Variants in DEUP1 observed in about 807,000 individuals in gnomAD.
The protein encoded by DEUP1 is deuterosome assembly protein 1, also known as coiled-coil domain containing 67.
Under a neutral mutation model 87.4 loss-of-function variants are expected in DEUP1, and 82 were observed. The observed-to-expected ratio is 0.94, with a 90% CI of 0.78 to 1.13. DEUP1 has a LOEUF of 1.13. Ranked by LOEUF, DEUP1 falls within the 50% of genes most tolerant of loss-of-function variation. DEUP1 has a pLI of 0.00. For synonymous variants in DEUP1, 214 were observed against 222.7 expected (o/e 0.96, Z 0.35); for missense variants, 663 against 681.5 (o/e 0.97, Z 0.30).
Position 93,355,640 on chromosome 11 carries a change from C to A in DEUP1, c.201+98C>A, listed in dbSNP as rs183940572. ...TTTATTATACATACTTTTTATCAGG[C>A]ATCAGCAACAGCATTTATTGCTTGA... On this transcript the variant is annotated intron_variant, in intron 3 of 13. Coordinates refer to ENST00000298050, the MANE Select transcript of DEUP1 (RefSeq NM_181645.4). 13 of 1,035,280 alleles carry A rather than the reference C, an allele frequency of 1.3e-5. No individual in the cohort carries two copies. In the East Asian group the frequency reaches 3.3e-4, roughly 26 times the overall value. The allele number at this position is 1,035,280 out of a possible 1,614,324, so 64.1% of individuals were successfully genotyped here.
At position 93,367,293 on chromosome 11, in the gene DEUP1, T is replaced by C. The variant is rs184429747; in HGVS notation, c.433-2780T>C. Among the ~76,000 whole-genome samples the C allele has an allele frequency of 6.6e-5, 10 of 152,320 alleles. No individual in the cohort carries two copies. The East Asian group carries it at 1.7e-3, about 26-fold the overall frequency. ...AAACTAAAATTTCCTTAAATGTTCTTTAAAATTATTTCTGTATAGAAAATA... is the reference window on the plus strand; with the variant it reads ...AAACTAAAATTTCCTTAAATGTTCTCTAAAATTATTTCTGTATAGAAAATA... On this transcript the variant is annotated intron_variant, in intron 5 of 13. Transcript: ENST00000298050.
At chr11:93,402,076 A>T (rs1386578256) in intron 11 of DEUP1, among the ~76,000 whole-genome samples, 1 of 152,074 alleles carries the variant, frequency 6.6e-6, no homozygotes, top group Non-Finnish European at 1.5e-5. Flanking sequence ...GATGACCCAC[A>T]GAATGCAAGA....
chr11:93,436,237 T>G (rs1948245763), intron 13 of DEUP1, among the ~76,000 whole-genome samples: 1 of 152,222 alleles, frequency 6.6e-6, no homozygotes, highest in Non-Finnish European at 1.5e-5. Context: ...TACTTGCCAC[T>G]TCTTGCTCAT....
rs1591225630 is a variant in DEUP1 at position 93,399,245 on chromosome 11, T to C, written c.1326+2920T>C. On this transcript the variant is annotated intron_variant, in intron 11 of 13. Coordinates refer to ENST00000298050, the MANE Select transcript of DEUP1 (RefSeq NM_181645.4). ...TTTTCAAAGATTATTATATCTTTCA[T>C]CCAAGTCTTTAATCCATTTATTTTG... Among the ~76,000 whole-genome samples, 3 of 152,024 alleles carry C rather than the reference T, an allele frequency of 2.0e-5. No homozygotes were observed. In the South Asian group the frequency reaches 6.2e-4, roughly 32 times the overall value.
chr11:93,350,999 T>A (rs1172052890), intron 2 of DEUP1, among the ~76,000 whole-genome samples: 4 of 148,208 alleles, frequency 2.7e-5, no homozygotes, highest in African/African-American at 4.9e-5. Flanking sequence ...TATGAAAATT[T>A]ATTTTCATAT....
intron 7 of DEUP1, among the ~76,000 whole-genome samples, chr11:93,379,524 T>C (rs1946199376): frequency 6.6e-6 from 1 of 152,216 alleles, no homozygotes. Flanking sequence ...TTCTCACACT[T>C]ATCACAATGA....
intron 7 of DEUP1, 78 bp from the exon 8 acceptor site, chr11:93,385,320 G>C: frequency 1.5e-6 from 2 of 1,340,676 alleles, no homozygotes; most frequent in Non-Finnish European, 1.0e-6. Context: ...CTGGTTTATA[G>C]ATGTTAAATA....
At chr11:93,372,596 T>C (rs1409964874) in intron 7 of DEUP1, among the ~76,000 whole-genome samples, 1 of 152,202 alleles carries the variant, frequency 6.6e-6, no homozygotes, top group Non-Finnish European at 1.5e-5. Context: ...CTGTTCTATG[T>C]TCCTCTTTCC....
chr11:93,347,762 C>G (rs7122902), intron 2 of DEUP1, among the ~76,000 whole-genome samples: 1 of 151,798 alleles, frequency 6.6e-6, no homozygotes, highest in African/African-American at 2.4e-5. Context: ...TTTTTTTAGG[C>G]GGAGTCTTGC....
At chr11:93,408,696 C>A (rs1467126576) in intron 12 of DEUP1, among the ~76,000 whole-genome samples, 1 of 152,078 alleles carries the variant, frequency 6.6e-6, no homozygotes, top group East Asian at 1.9e-4. Context: ...ACAAAACATA[C>A]AGATAAGTAA....
chr11:93,389,376 T>C (rs1946698401), intron 9 of DEUP1, among the ~76,000 whole-genome samples: 1 of 152,170 alleles, frequency 6.6e-6, no homozygotes, highest in African/African-American at 2.4e-5. Flanking sequence ...GGAGGCTCCA[T>C]GATAGGTGGC....
chr11:93,437,809 C>G lies in DEUP1; in HGVS notation c.*90C>G. The G allele has an allele frequency of 2.7e-6, 2 of 727,666 alleles. No homozygotes were observed. The highest frequency in any genetic ancestry group is 4.7e-6 in the Non-Finnish European group (2 of 425,568). 45.1% of individuals were successfully genotyped at this position (727,666 alleles called of 1,614,324 possible). A position where few individuals can be genotyped will look rare whatever the true frequency, so the allele number is the denominator to read the frequency against. On this transcript the variant is annotated 3_prime_UTR_variant, in exon 14 of 14. Transcript: ENST00000298050. The stretch of plus-strand genomic sequence containing the variant: ...TATTTACAAAGCTGATTAATGAAAC[C>G]AAGAAATTCTGTTCTGTTTCCTTGA...
chr11:93,357,245 T>TGTTA, intron 4 of DEUP1: 1 of 462,990 alleles, frequency 2.2e-6, no homozygotes, highest in Non-Finnish European at 3.8e-6. Flanking sequence ...TCTGTGCCTC[T>TGTTA]GTTAGCACAG....
At chr11:93,365,662 A>AT (rs1296117688) in intron 5 of DEUP1, among the ~76,000 whole-genome samples, 3 of 151,852 alleles carry the variant, frequency 2.0e-5, no homozygotes, top group Non-Finnish European at 2.9e-5. Context: ...TTTACGTTAT[A>AT]TATATGTAAT....
intron 2 of DEUP1, among the ~76,000 whole-genome samples, chr11:93,354,213 G>A (rs1204697488): frequency 6.6e-6 from 1 of 152,104 alleles, no homozygotes; most frequent in Non-Finnish European, 1.5e-5. Flanking sequence ...GAGGAAAAAT[G>A]CCTCCAGTCT....
intron 5 of DEUP1, among the ~76,000 whole-genome samples, chr11:93,369,773 T>G (rs12785390): frequency 2.4e-5 from 1 of 41,592 alleles, no homozygotes; most frequent in Non-Finnish European, 4.5e-5. Flanking sequence ...CTACTAAAAA[T>G]ACAAAAAATT....
chr11:93,402,669 CA>C (rs1947154440), intron 11 of DEUP1, among the ~76,000 whole-genome samples: 1 of 151,750 alleles, frequency 6.6e-6, no homozygotes, highest in Non-Finnish European at 1.5e-5. Context: ...GAATATTATT[CA>C]GCCAGAAAAA....
chr11:93,384,343 T>C (rs1407456416), intron 7 of DEUP1, among the ~76,000 whole-genome samples: 1 of 152,236 alleles, frequency 6.6e-6, no homozygotes, highest in Non-Finnish European at 1.5e-5. Flanking sequence ...AGTCTCTTAA[T>C]ATCCCCTTAG....
At position 93,396,477 on chromosome 11, in the gene DEUP1, A is replaced by T. The variant is rs1946949869; in HGVS notation, c.1326+152A>T. Reference sequence around the variant, plus strand: ...TTGTGCTTCAGTTGAGGTTACTTTTATCCTCAGGCTAGAACATTGGAATGT... The same window carrying T: ...TTGTGCTTCAGTTGAGGTTACTTTTTTCCTCAGGCTAGAACATTGGAATGT... On this transcript the variant is annotated intron_variant, in intron 11 of 13. Transcript: ENST00000298050. 11 of 559,026 alleles carry T rather than the reference A, an allele frequency of 2.0e-5. No individual in the cohort carries two copies. In the South Asian group the frequency reaches 3.0e-4, roughly 15 times the overall value. 34.6% of individuals were successfully genotyped at this position (559,026 alleles called of 1,614,324 possible).
Sources: allele counts gnomAD v4.1 joint callset (sites outside exome capture counted in the v4.1 genomes callset), GRCh38; gene constraint gnomAD v4.1.1; transcripts MANE v1.5; gene names NCBI Gene and HGNC (gene_info 2026-07-23, HGNC 2026-07-21).